HTR2C: variants seen among roughly 807,000 people sequenced by gnomAD.
HTR2C encodes 5-hydroxytryptamine receptor 2C.
In HTR2C, 5 loss-of-function variants were observed where a neutral mutation model predicts 21.0. The observed-to-expected ratio is 0.24, with a 90% CI of 0.12 to 0.50. The LOEUF is 0.50. HTR2C is among the 20% of genes least tolerant of loss of function. The pLI, the probability that HTR2C is intolerant of heterozygous loss-of-function variation, is 0.98. For missense variants in HTR2C, 271 were observed against 371.2 expected, an observed-to-expected ratio of 0.73 and a Z score of 2.22; for synonymous variants, 150 against 145.3, an observed-to-expected ratio of 1.03 and a Z score of -0.23.
At chrX:114,884,415 C>T (rs938817290) in intron 5 of HTR2C, among the ~76,000 whole-genome samples, 21 of 110,811 alleles carry the variant, frequency 1.9e-4, no homozygotes, top group Middle Eastern at 4.2e-3. Context: ...TCTGATAATA[C>T]GTTAATATTC....
rs1240212983 is a variant in HTR2C, at chrX:114,647,792, T to C, written c.-80+33911T>C. On this transcript the variant is annotated intron_variant, in intron 2 of 5. Transcript: ENST00000276198. The stretch of plus-strand genomic sequence containing the variant: ...CTAGCAGGACTCTGTGTAATGACTA[T>C]GAGATGGCCAAGCATAAAAAGAGGT... 3.6e-5 allele frequency among the ~76,000 whole-genome samples: 4 copies of C among 111,601 alleles called. No homozygotes were observed. In the East Asian group the frequency reaches 1.1e-3, roughly 32 times the overall value.
intron 5 of HTR2C, among the ~76,000 whole-genome samples, chrX:114,853,633 G>A (rs1387718598): frequency 9.0e-6 from 1 of 111,559 alleles, no homozygotes; most frequent in African/African-American, 3.3e-5. Flanking sequence ...CATCTTTATA[G>A]TATATTAAAT....
intron 4 of HTR2C, among the ~76,000 whole-genome samples, chrX:114,769,231 TAAC>T (rs1182295553): frequency 9.0e-6 from 1 of 111,222 alleles, no homozygotes; most frequent in Non-Finnish European, 1.9e-5. Flanking sequence ...ATGAATACAA[TAAC>T]AATAACAAAA....
intron 2 of HTR2C, among the ~76,000 whole-genome samples, chrX:114,655,276 G>C (rs1930740452): frequency 9.0e-6 from 1 of 111,088 alleles, no homozygotes; most frequent in Non-Finnish European, 1.9e-5. Flanking sequence ...GTTGTTCATA[G>C]AACTGAGAAA....
chrX:114,782,127 CAA>C (rs782535480), intron 4 of HTR2C, among the ~76,000 whole-genome samples: 3 of 72,856 alleles, frequency 4.1e-5, no homozygotes, highest in Non-Finnish European at 5.0e-5. Context: ...CTGACTTCTC[CAA>C]AAAAAAAAAA....
intron 5 of HTR2C, among the ~76,000 whole-genome samples, chrX:114,874,898 G>GA (rs1296744631): frequency 1.5e-4 from 17 of 110,819 alleles, no homozygotes; most frequent in Non-Finnish European, 2.5e-4. Flanking sequence ...GTCTTCTCTG[G>GA]AAAAAAAATG....
Position 114,909,032 on chromosome X carries a change from C to T in HTR2C, c.*1617C>T, listed in dbSNP as rs1441554937. On this transcript the variant is annotated 3_prime_UTR_variant, in exon 6 of 6. Transcript: ENST00000276198. The stretch of plus-strand genomic sequence containing the variant: ...ATGAAAAATCTGAATTTCTAAAACC[C>T]TTGGTCTGTGTTCTCAACACACAGT... The T allele has an allele frequency of 1.8e-5, 2 of 112,407 alleles. No homozygotes were observed. The highest frequency in any genetic ancestry group is 3.8e-5 in the Non-Finnish European group (2 of 53,253). The allele number at this position is 112,407 out of a possible 1,213,427, so 9.3% of individuals were successfully genotyped here.
intron 2 of HTR2C, among the ~76,000 whole-genome samples, chrX:114,650,330 C>A (rs144247545): frequency 1.6e-3 from 178 of 111,703 alleles, no homozygotes; most frequent in African/African-American, 5.5e-3. Flanking sequence ...TCATTCCATG[C>A]TTAAGACTGT....
chrX:114,776,074 T>G, intron 4 of HTR2C: 2 of 460,645 alleles, frequency 4.3e-6, no homozygotes, highest in Non-Finnish European at 7.7e-6. Flanking sequence ...GGCTGACAAT[T>G]CGGTTGTCAA....
intron 2 of HTR2C, among the ~76,000 whole-genome samples, chrX:114,635,296 A>G (rs1929799062): frequency 1.8e-5 from 2 of 112,243 alleles, no homozygotes; most frequent in Non-Finnish European, 3.8e-5. Flanking sequence ...AGTAAACACT[A>G]AAAATTCAGA....
intron 2 of HTR2C, among the ~76,000 whole-genome samples, chrX:114,680,551 T>C (rs2147854429): frequency 9.0e-6 from 1 of 111,667 alleles, no homozygotes; most frequent in African/African-American, 3.3e-5. Flanking sequence ...TGGGTGGAGA[T>C]GTGGGCAGGA....
intron 2 of HTR2C, among the ~76,000 whole-genome samples, chrX:114,717,089 T>G (rs1449888385): frequency 2.7e-5 from 3 of 111,334 alleles, no homozygotes; most frequent in African/African-American, 6.5e-5. Flanking sequence ...CAATTTCTTT[T>G]TTTTTTGAGA....
At chrX:114,703,172 A>G (rs1357964495) in intron 2 of HTR2C, among the ~76,000 whole-genome samples, 21 of 107,773 alleles carry the variant, frequency 1.9e-4, no homozygotes, top group African/African-American at 6.1e-4. Context: ...GTTAACAAGG[A>G]TACCCAGGAA....
At chrX:114,730,119 T>C (rs947866213) in intron 3 of HTR2C, among the ~76,000 whole-genome samples, 22 of 112,140 alleles carry the variant, frequency 2.0e-4, no homozygotes, top group Non-Finnish European at 4.1e-4. Context: ...GTCTTGTCTA[T>C]TTTATGAAGG....
chrX:114,632,015 A>C (rs149702634), intron 2 of HTR2C, among the ~76,000 whole-genome samples: 1 of 112,361 alleles, frequency 8.9e-6, no homozygotes, highest in South Asian at 3.7e-4. Context: ...CATAAAGTAG[A>C]AGCTAAATAA....
Position 114,869,585 on chromosome X carries a change from G to A in HTR2C, c.550+21382G>A, listed in dbSNP as rs782643398. On this transcript the variant is annotated intron_variant, in intron 5 of 5. Transcript: ENST00000276198. ...TTGTGGAGTCTTTAGGTTTTTCCAC[G>A]TATACTATAATATCATCTGAAAACA... 9.8e-5 allele frequency among the ~76,000 whole-genome samples: 11 copies of A among 111,777 alleles called. No homozygotes were observed. The East Asian group carries it at 2.3e-3, about 23-fold the overall frequency.
chrX:114,822,836 A>G (rs2070646772), intron 4 of HTR2C, among the ~76,000 whole-genome samples: 1 of 111,986 alleles, frequency 8.9e-6, no homozygotes, highest in Non-Finnish European at 1.9e-5. Flanking sequence ...GAGACTTGAG[A>G]TGAGCAAGTA....
intron 2 of HTR2C, chrX:114,652,547 G>A (rs927685900): frequency 1.3e-5 from 4 of 297,768 alleles, no homozygotes; most frequent in Non-Finnish European, 2.7e-5. Flanking sequence ...TAGAAATATT[G>A]CGGCATTTTC....
At chrX:114,817,227 A>G (rs1556454834) in intron 4 of HTR2C, among the ~76,000 whole-genome samples, 1 of 111,536 alleles carries the variant, frequency 9.0e-6, no homozygotes, top group Non-Finnish European at 1.9e-5. Flanking sequence ...GAAATGTAAT[A>G]TTTACATATT....
Sources: gnomAD v4.1 joint callset for allele counts (sites outside exome capture counted in the v4.1 genomes callset) on GRCh38, gnomAD v4.1.1 for gene constraint, MANE v1.5 for transcripts, NCBI Gene and HGNC (gene_info 2026-07-23, HGNC 2026-07-21) for gene names.